The following CYRIA variants were observed in gnomAD, a reference collection of about 807,000 sequenced individuals.
CYRIA encodes CYFIP related Rac1 interactor A.
CYRIA carries 15 observed loss-of-function variants against 43.9 expected under a neutral mutation model. The ratio of observed to expected loss-of-function variants is 0.34; its 90% CI spans 0.23 to 0.53. The LOEUF is 0.53. CYRIA is among the 20% of genes least tolerant of loss of function. CYRIA has a pLI of 0.94. For missense variants in CYRIA, 236 were observed against 394.2 expected, an observed-to-expected ratio of 0.60 and a Z score of 3.40; for synonymous variants, 117 against 136.0, an observed-to-expected ratio of 0.86 and a Z score of 0.97.
At chr2:16,629,156 G>T (rs1447234513) in intron 1 of CYRIA, among the ~76,000 whole-genome samples, 1 of 152,166 alleles carries the variant, frequency 6.6e-6, no homozygotes, top group Non-Finnish European at 1.5e-5. Flanking sequence ...AGAAACCGCA[G>T]TCTACTGGGA....
At chr2:16,665,302 G>T (rs570192653) in intron 1 of CYRIA, among the ~76,000 whole-genome samples, 4 of 152,226 alleles carry the variant, frequency 2.6e-5, no homozygotes, top group African/African-American at 9.6e-5. Flanking sequence ...GGCTAAGAAC[G>T]TCTGTGGCAG....
chr2:16,618,820 T>C (rs1399025724), intron 2 of CYRIA, among the ~76,000 whole-genome samples: 3 of 152,200 alleles, frequency 2.0e-5, no homozygotes, highest in Non-Finnish European at 4.4e-5. Context: ...CGAGGGCTTC[T>C]AGACATATGC....
At chr2:16,657,244 C>A (rs1317112965) in intron 1 of CYRIA, among the ~76,000 whole-genome samples, 1 of 152,146 alleles carries the variant, frequency 6.6e-6, no homozygotes, top group East Asian at 1.9e-4. Context: ...TCGGCTGAGG[C>A]TTTTCACTTC....
intron 9 of CYRIA, among the ~76,000 whole-genome samples, chr2:16,560,164 A>G (rs1325213345): frequency 6.6e-6 from 1 of 152,132 alleles, no homozygotes; most frequent in Non-Finnish European, 1.5e-5. Context: ...CCAATTCTAG[A>G]GGCTTTTTTC....
At chr2:16,569,686 G>T (rs946204290) in intron 3 of CYRIA, among the ~76,000 whole-genome samples, 4 of 152,190 alleles carry the variant, frequency 2.6e-5, no homozygotes, top group African/African-American at 9.7e-5. Context: ...AATGGGAAAA[G>T]AACTGTGTGA....
At chr2:16,628,231 T>C (rs1669225788) in intron 1 of CYRIA, among the ~76,000 whole-genome samples, 1 of 152,186 alleles carries the variant, frequency 6.6e-6, no homozygotes, top group Non-Finnish European at 1.5e-5. Context: ...GATGTGTATA[T>C]AGATTATGTA....
chr2:16,608,837 G>A (rs1214232411), intron 2 of CYRIA, among the ~76,000 whole-genome samples: 1 of 152,168 alleles, frequency 6.6e-6, no homozygotes, highest in Non-Finnish European at 1.5e-5. Context: ...TTTGGAGCTG[G>A]AGAAGAAAGC....
At position 16,555,147 on chromosome 2, in the gene CYRIA, G is replaced by T; in HGVS notation, c.838-8C>A. On this transcript the variant is annotated splice_polypyrimidine_tract_variant and splice_region_variant and intron_variant, in intron 10 of 11. Transcript: ENST00000381323. ...TTTTATGCAGCCTTTCATCTAGGAGGAGAAAGCACAATGTTTGTTAATATC... is the reference window on the plus strand; with the variant it reads ...TTTTATGCAGCCTTTCATCTAGGAGTAGAAAGCACAATGTTTGTTAATATC... 1 of 1,610,864 alleles carries T rather than the reference G, an allele frequency of 6.2e-7. No individual in the cohort carries two copies. Among genetic ancestry groups the T allele is most frequent in the Non-Finnish European group, 8.5e-7 (1 of 1,178,900 alleles).
intron 1 of CYRIA, among the ~76,000 whole-genome samples, chr2:16,647,085 G>T (rs141554346): frequency 6.6e-6 from 1 of 152,094 alleles, no homozygotes; most frequent in Non-Finnish European, 1.5e-5. Context: ...ATCCGTATCC[G>T]TATCTATCTC....
chr2:16,635,175 AC>A (rs1225808874), intron 1 of CYRIA, among the ~76,000 whole-genome samples: 2 of 152,208 alleles, frequency 1.3e-5, no homozygotes, highest in Non-Finnish European at 2.9e-5. Flanking sequence ...ATGTGGTGCT[AC>A]TGGACAGGGA....
At chr2:16,631,957 CCACATGGTGT>C (rs897099054) in intron 1 of CYRIA, among the ~76,000 whole-genome samples, 4 of 152,206 alleles carry the variant, frequency 2.6e-5, no homozygotes, top group African/African-American at 9.6e-5. Context: ...TACCCAAAGG[CCACATGGTGT>C]CACATGGCGA....
At chr2:16,630,822 C>T (rs1247983617) in intron 1 of CYRIA, among the ~76,000 whole-genome samples, 8 of 152,220 alleles carry the variant, frequency 5.3e-5, no homozygotes, top group South Asian at 4.1e-4. Context: ...TTCCCATCCA[C>T]GGCTCCAACT....
At chr2:16,589,119 T>A (rs912832236) in intron 2 of CYRIA, among the ~76,000 whole-genome samples, 9 of 152,112 alleles carry the variant, frequency 5.9e-5, no homozygotes, top group Non-Finnish European at 1.5e-5. Context: ...CTGGGCACTG[T>A]GTTCTTGGAA....
At chr2:16,586,237 T>C (rs1015182810) in intron 3 of CYRIA, among the ~76,000 whole-genome samples, 9 of 152,096 alleles carry the variant, frequency 5.9e-5, no homozygotes, top group African/African-American at 1.9e-4. Flanking sequence ...TTTGTACACA[T>C]TGAATGCAAC....
intron 2 of CYRIA, among the ~76,000 whole-genome samples, chr2:16,607,104 C>T (rs992342450): frequency 8.5e-5 from 13 of 152,184 alleles, no homozygotes; most frequent in Admixed American, 1.3e-4. Flanking sequence ...GAGACAGGTG[C>T]GGCTCTGCCT....
intron 3 of CYRIA, among the ~76,000 whole-genome samples, chr2:16,569,680 G>A (rs1466007644): frequency 1.3e-5 from 2 of 152,126 alleles, no homozygotes; most frequent in East Asian, 3.9e-4. Flanking sequence ...TTTTCAAATG[G>A]GAAAAGAACT....
At chr2:16,611,203 C>CA (rs11399188) in intron 2 of CYRIA, among the ~76,000 whole-genome samples, 40,408 of 139,940 alleles carry the variant, frequency 0.29, 5,858 homozygotes, top group African/African-American at 0.37. Flanking sequence ...ACTAAAAATA[C>CA]AAAAAAAAAA....
At chr2:16,607,754 A>G (rs574743925) in intron 2 of CYRIA, among the ~76,000 whole-genome samples, 5 of 151,882 alleles carry the variant, frequency 3.3e-5, no homozygotes, top group African/African-American at 1.2e-4. Flanking sequence ...GTGCCACCAC[A>G]CCTGGCTAAT....
intron 11 of CYRIA, among the ~76,000 whole-genome samples, chr2:16,554,693 T>G (rs1666442654): frequency 1.3e-5 from 2 of 152,152 alleles, no homozygotes; most frequent in African/African-American, 4.8e-5. Context: ...CAGCCAGGTT[T>G]GGGAACCACT....
Sources: allele counts gnomAD v4.1 joint callset (sites outside exome capture counted in the v4.1 genomes callset), GRCh38; gene constraint gnomAD v4.1.1; transcripts MANE v1.5; gene names NCBI Gene and HGNC (gene_info 2026-07-23, HGNC 2026-07-21).